The following PCDHGA2 variants were observed in gnomAD, a reference collection of about 807,000 sequenced individuals.
PCDHGA2 encodes protocadherin gamma-A2.
In PCDHGA2, 40 loss-of-function variants were observed where a neutral mutation model predicts 59.2. That is an observed-to-expected ratio of 0.68 (90% CI 0.52 to 0.88). PCDHGA2 has a LOEUF of 0.88. Among genes scored for constraint, PCDHGA2 ranks in the 40% least tolerant of loss-of-function variants. PCDHGA2 has a pLI of 0.00. For synonymous variants in PCDHGA2, 560 were observed against 526.0 expected (o/e 1.06, Z -0.89); for missense variants, 1,226 against 1,204.0 (o/e 1.02, Z -0.27).
At chr5:141,507,432 C>T (rs2099860585) in intron 3 of PCDHGA2, 1 of 152,198 alleles carries the variant, frequency 6.6e-6, no homozygotes. Flanking sequence ...GGGGCCAGGC[C>T]TACAGCTGAC....
rs771411620 is a variant in PCDHGA2, at chr5:141,485,551, G to A, written c.2425-9256G>A. ...GAGCAGAGGTAGAGATCGTAGATGT[G>A]AATGATCACGCCCCCCGTTTTCCGC... On this transcript the variant is annotated intron_variant, in intron 1 of 3. Transcript: ENST00000394576. This position sits in a 1 kb window ranked among gnomAD's most constrained non-coding sequence, Gnocchi z 5.7. 1.9e-6 allele frequency: 3 copies of A among 1,613,958 alleles called. No individual in the cohort carries two copies. Among genetic ancestry groups the A allele is most frequent in the Admixed American group, 1.7e-5 (1 of 60,006 alleles).
rs1265360670 is a variant in PCDHGA2, at chr5:141,435,001, T to A, written c.2425-59806T>A. On this transcript the variant is annotated intron_variant, in intron 1 of 3. Transcript: ENST00000394576. ...TACTCTATATCATTTTCTAGCTGAATTTATCAATGATAATGCTCTTTTCCC... is the reference window on the plus strand; with the variant it reads ...TACTCTATATCATTTTCTAGCTGAAATTATCAATGATAATGCTCTTTTCCC... Among the ~76,000 whole-genome samples the A allele has an allele frequency of 3.9e-5, 6 of 152,120 alleles. No homozygotes were observed. In the East Asian group the frequency reaches 1.2e-3, roughly 29 times the overall value.
At chr5:141,409,632 C>G (rs1279542488) in intron 1 of PCDHGA2, 1 of 1,613,848 alleles carries the variant, frequency 6.2e-7, no homozygotes, top group East Asian at 2.2e-5. Context: ...GTGAGCGCCT[C>G]TGACCCGGAT....
chr5:141,367,835 C>T (rs1423216035), intron 1 of PCDHGA2: 1 of 151,994 alleles, frequency 6.6e-6, no homozygotes, highest in East Asian at 1.9e-4. Context: ...GAATCAATAC[C>T]TACTGCAATG....
At chr5:141,404,832 G>T in intron 1 of PCDHGA2, 1 of 1,613,864 alleles carries the variant, frequency 6.2e-7, no homozygotes, top group Non-Finnish European at 8.5e-7. Flanking sequence ...GGTGAAGTGC[G>T]CACAGCTCGG....
intron 1 of PCDHGA2, chr5:141,404,548 G>C (rs761765539): frequency 1.2e-5 from 20 of 1,613,740 alleles, no homozygotes. Context: ...AAATGCAGGT[G>C]ACGGCAAGTG....
intron 1 of PCDHGA2, chr5:141,403,394 C>A: frequency 6.2e-7 from 1 of 1,614,054 alleles, no homozygotes; most frequent in South Asian, 1.1e-5. Flanking sequence ...AATCGCGGTT[C>A]CTGGAGCACG....
At chr5:141,441,127 G>A (rs1224106490) in intron 1 of PCDHGA2, 2 of 152,138 alleles carry the variant, frequency 1.3e-5, no homozygotes, top group African/African-American at 2.4e-5. Context: ...AGTTGAGACC[G>A]AATTTCTAGA....
intron 1 of PCDHGA2, chr5:141,356,387 A>G: frequency 5.7e-6 from 9 of 1,572,378 alleles, no homozygotes; most frequent in Admixed American, 1.9e-5. Flanking sequence ...ACACTTGAAA[A>G]GACCTATGGA....
chr5:141,383,157 T>A, intron 1 of PCDHGA2: 1 of 1,614,076 alleles, frequency 6.2e-7, no homozygotes, highest in Non-Finnish European at 8.5e-7. Context: ...GCTTGGTCAC[T>A]GCGGGCAGGA....
intron 1 of PCDHGA2, chr5:141,356,657 G>A (rs769198002): frequency 5.0e-6 from 8 of 1,613,976 alleles, no homozygotes; most frequent in Non-Finnish European, 6.8e-6. Flanking sequence ...GACAATGCCC[G>A]AATCACTTAC....
At chr5:141,464,312 C>T (rs2099081610) in intron 1 of PCDHGA2, among the ~76,000 whole-genome samples, 1 of 149,056 alleles carries the variant, frequency 6.7e-6, no homozygotes, top group South Asian at 2.1e-4. Flanking sequence ...GTGCACATAT[C>T]ATTATCTGTT....
chr5:141,428,341 C>T, intron 1 of PCDHGA2: 1 of 602,086 alleles, frequency 1.7e-6, no homozygotes, highest in Non-Finnish European at 3.0e-6. Flanking sequence ...GCTCTTCTTC[C>T]TCGCAGTGAT....
At chr5:141,466,077 A>G (rs1220036084) in intron 1 of PCDHGA2, among the ~76,000 whole-genome samples, 2 of 152,108 alleles carry the variant, frequency 1.3e-5, no homozygotes, top group Non-Finnish European at 2.9e-5. Context: ...AGCTGATATC[A>G]TGCCACTGCA....
Position 141,360,331 on chromosome 5 carries a change from C to G in PCDHGA2, c.2424+18936C>G, listed in dbSNP as rs146919505. The G allele has an allele frequency of 1.3e-3, 2,115 of 1,613,952 alleles. 5 individuals are homozygous for G. Among genetic ancestry groups the G allele is most frequent in the Non-Finnish European group, 1.7e-3 (1,954 of 1,179,884 alleles). On this transcript the variant is annotated intron_variant, in intron 1 of 3. Transcript: ENST00000394576. The stretch of plus-strand genomic sequence containing the variant: ...CGTCCGGGACTTGCCAGCCCGGAAG[C>G]TGCGGGTTAGCGCGGAGAAGGAATA...
chr5:141,415,423 G>T (rs2154545734), intron 1 of PCDHGA2: 1 of 1,614,204 alleles, frequency 6.2e-7, no homozygotes, highest in Non-Finnish European at 8.5e-7. Context: ...CGTGGACGGG[G>T]TTCGGGCTTT....
rs758405089 is a variant in PCDHGA2 at position 141,383,617 on chromosome 5, C to T, written c.2424+42222C>T. 5.1e-5 allele frequency: 82 copies of T among 1,613,734 alleles called. No homozygotes were observed. The Admixed American group carries it at 9.0e-4, about 18-fold the overall frequency. On this transcript the variant is annotated intron_variant, in intron 1 of 3. Coordinates refer to ENST00000394576, the MANE Select transcript of PCDHGA2 (RefSeq NM_018915.4). ...AGTGGTGGATGTGAATGACCACACG[C>T]CTGTCTTCTCTCTGCCTCAGTACCA...
rs776004958 is a variant in PCDHGA2 at position 141,410,344 on chromosome 5, C to T, written c.2424+68949C>T. 6 of 1,614,006 alleles carry T rather than the reference C, an allele frequency of 3.7e-6. No individual in the cohort carries two copies. In the South Asian group the frequency reaches 6.6e-5, roughly 18 times the overall value. On this transcript the variant is annotated intron_variant, in intron 1 of 3. Transcript: ENST00000394576. ...CCGTGATTCTGGCCATTGCCTTGCG[C>T]CTGCGACGCTCTCTCAGCCCTGCTA...
In PCDHGA2 at chr5:141,477,531, C is replaced by T. The variant is rs1316982512; in HGVS notation, c.2425-17276C>T. 5 of 1,614,162 alleles carry T rather than the reference C, an allele frequency of 3.1e-6. No homozygotes were observed. Among genetic ancestry groups the T allele is most frequent in the Middle Eastern group, 1.6e-4 (1 of 6,062 alleles). On this transcript the variant is annotated intron_variant, in intron 1 of 3. Transcript: ENST00000394576. This position sits in a 1 kb window ranked among gnomAD's most constrained non-coding sequence, Gnocchi z 4.9. ...GTTTACATTGAAGAAAACAACCTCC[C>T]CGGGGCTCCAATACTAAACCTAAGT... is the stretch of plus-strand genomic sequence containing the variant.
Sources: gnomAD v4.1 joint callset for allele counts (sites outside exome capture counted in the v4.1 genomes callset) on GRCh38, gnomAD v4.1.1 for gene constraint, Gnocchi (gnomAD v3.1) non-coding constraint, MANE v1.5 for transcripts, NCBI Gene and HGNC (gene_info 2026-07-23, HGNC 2026-07-21) for gene names.